The following TAPBPL variants were observed in gnomAD, a reference collection of about 807,000 sequenced individuals.
TAPBPL encodes TAP binding protein like.
Under a neutral mutation model 44.8 loss-of-function variants are expected in TAPBPL, and 32 were observed. The ratio of observed to expected loss-of-function variants is 0.71; its 90% confidence interval spans 0.54 to 0.96. The LOEUF is 0.96. Ranked by LOEUF, TAPBPL falls within the 40% of genes least tolerant of loss-of-function variation. TAPBPL has a pLI of 0.00. For synonymous variants in TAPBPL, 230 were observed against 240.7 expected, an observed-to-expected ratio of 0.96 and a Z score of 0.41; for missense variants, 520 against 586.6, an observed-to-expected ratio of 0.89 and a Z score of 1.17.
At position 6,457,597 on chromosome 12, in the gene TAPBPL, G is replaced by A. The variant is rs771997905; in HGVS notation, c.757G>A (p.Ala253Thr). ...GCAGGGGCAGGCTGTGCGGAAGGGC[G>A]CTACCCTGGAGCCTGCACAACTGGG... ...AGQGQAVRKG[A>T]TLEPAQLGMA... Residue 253 changes from alanine (A) to threonine (T), a missense_variant, in exon 4 of 7, where the codon GCT (alanine) becomes ACT (threonine). By Grantham distance (58) the Ala-to-Thr change is moderately conservative. Transcript: ENST00000266556. The A allele has an allele frequency of 1.4e-5, 22 of 1,614,022 alleles. No homozygotes were observed. Among genetic ancestry groups the A allele is most frequent in the African/African-American group, 4.0e-5 (3 of 74,916 alleles).
At chr12:6,458,573 G>C (rs1003953656) in intron 4 of TAPBPL, 72 bp from the exon 5 acceptor site, 1 of 1,546,822 alleles carries the variant, frequency 6.5e-7, no homozygotes, top group African/African-American at 1.4e-5. Flanking sequence ...TTGGCAGGAA[G>C]AAAAGGCTTC....
chr12:6,457,831 G>C, intron 4 of TAPBPL, 87 bp downstream of exon 4: 1 of 1,362,012 alleles, frequency 7.3e-7, no homozygotes, highest in East Asian at 2.6e-5. Context: ...ATGCAAGAAT[G>C]ATTTCCTGAG....
Position 6,453,107 on chromosome 12 carries a change from G to A in TAPBPL, c.105G>A (p.Val35=). 6.3e-7 allele frequency: 1 copy of A among 1,580,932 alleles called. No individual in the cohort carries two copies. Among genetic ancestry groups the A allele is most frequent in the Non-Finnish European group, 8.6e-7 (1 of 1,163,268 alleles). Residue 35 remains valine, a synonymous_variant, in exon 2 of 7, where the codon GTG becomes GTA. Transcript: ENST00000266556. This position sits in a 1 kb window ranked among gnomAD's most constrained non-coding sequence, Gnocchi z 4.8. ...AGGGGCAGTGGCGGGCAGTGGACGTGGTCCTAGACTGCTTCCTGGCGAAGG... is the reference window on the plus strand; with the variant it reads ...AGGGGCAGTGGCGGGCAGTGGACGTAGTCCTAGACTGCTTCCTGGCGAAGG... ...PAEGQWRAVD[V]VLDCFLAKDG...
At chr12:6,463,696 T>C, downstream of TAPBPL, 3 of 1,108,072 alleles carry the variant, frequency 2.7e-6, no homozygotes, top group South Asian at 6.5e-5. The surrounding 1 kb of genome is among the most constrained non-coding windows in gnomAD (Gnocchi z 4.0). Context: ...TGGATTTATT[T>C]GGTGCCCTCA....
downstream of TAPBPL, chr12:6,470,616 C>G (rs1945750475): frequency 3.2e-6 from 5 of 1,575,124 alleles, no homozygotes; most frequent in Admixed American, 1.7e-5. Flanking sequence ...CTGAAGTGGA[C>G]GGAACTGCCA....
In TAPBPL at chr12:6,456,746, G is replaced by A. The variant is rs1181454453; in HGVS notation, c.566-660G>A. Among the ~76,000 whole-genome samples, 6 of 151,680 alleles carry A rather than the reference G, an allele frequency of 4.0e-5. No homozygotes were observed. In the South Asian group the frequency reaches 8.3e-4, roughly 21 times the overall value. On this transcript the variant is annotated intron_variant, in intron 3 of 6. Transcript: ENST00000266556. Reference sequence around the variant, plus strand: ...TGGCTCACTGCAACCTCCACCTCCCGGATTCAAGCAATTCTCCTGTCTCAG... The same window carrying A: ...TGGCTCACTGCAACCTCCACCTCCCAGATTCAAGCAATTCTCCTGTCTCAG...
chr12:6,468,261 C>T (rs562320984), downstream of TAPBPL, among the ~76,000 whole-genome samples: 17 of 152,222 alleles, frequency 1.1e-4, no homozygotes, highest in Non-Finnish European at 2.2e-4. Flanking sequence ...TGTCAGCTCA[C>T]CCCTTTTTAT....
At chr12:6,459,087 T>C in intron 5 of TAPBPL, 140 bp downstream of exon 5, 1 of 1,005,562 alleles carries the variant, frequency 9.9e-7, no homozygotes, top group Non-Finnish European at 1.4e-6. Context: ...TGCTCCTGAC[T>C]ATTTTCCCAA....
downstream of TAPBPL, chr12:6,470,645 CTA>C: frequency 6.9e-7 from 1 of 1,448,826 alleles, no homozygotes; most frequent in East Asian, 2.4e-5. Flanking sequence ...CTCGCGCCGA[CTA>C]CCCCGCGGTC....
chr12:6,465,863 C>T (rs762362103), downstream of TAPBPL: 1 of 1,614,196 alleles, frequency 6.2e-7, no homozygotes, highest in Non-Finnish European at 8.5e-7. Flanking sequence ...TCCACCAATA[C>T]TTCCTCTTTA....
downstream of TAPBPL, chr12:6,466,441 A>T (rs1419473316): frequency 1.4e-6 from 2 of 1,436,726 alleles, no homozygotes; most frequent in Admixed American, 4.8e-5. Flanking sequence ...CCAGCTACTC[A>T]AGAGGCTGAA....
downstream of TAPBPL, chr12:6,463,597 C>T (rs1592144838): frequency 9.3e-7 from 1 of 1,077,992 alleles, no homozygotes; most frequent in East Asian, 8.4e-5. The surrounding 1 kb of genome is among the most constrained non-coding windows in gnomAD (Gnocchi z 4.0). Flanking sequence ...CACTGTTTCT[C>T]TATAACTAAC....
Position 6,457,557 on chromosome 12 carries a change from C to G in TAPBPL, c.717C>G (p.Tyr239Ter). ...ACAAGGGCAGGGGTCAGTTGGTGTA[C>G]AGCTGGACCGCAGGGCAGGGGCAGG... ...LQHKGRGQLV[Y>*]SWTAGQGQAV... Residue 239 changes from tyrosine (Y) to a stop codon, truncating the protein, a stop_gained, in exon 4 of 7, where the codon TAC becomes TAG. Coordinates refer to ENST00000266556, the MANE Select transcript of TAPBPL (RefSeq NM_018009.5). LOFTEE classifies it high-confidence loss of function. 1 of 1,614,220 alleles carries G rather than the reference C, an allele frequency of 6.2e-7. No homozygotes were observed. Among genetic ancestry groups the G allele is most frequent in the Non-Finnish European group, 8.5e-7 (1 of 1,180,034 alleles).
At chr12:6,465,796 C>G (rs1470750793), downstream of TAPBPL, 1 of 1,607,324 alleles carries the variant, frequency 6.2e-7, no homozygotes, top group Non-Finnish European at 8.5e-7. Context: ...TGCCTTCTAC[C>G]AGTGGAAGCC....
downstream of TAPBPL, chr12:6,465,019 A>C (rs1949970135): frequency 1.3e-6 from 2 of 1,594,772 alleles, no homozygotes; most frequent in Admixed American, 3.4e-5. Flanking sequence ...TGGGAAACAG[A>C]ATTCCTTCCA....
chr12:6,471,875 C>T, the TAPBPL span, among the ~76,000 whole-genome samples: 1 of 152,134 alleles, frequency 6.6e-6, no homozygotes, highest in Non-Finnish European at 1.5e-5. This position sits in a 1 kb window ranked among gnomAD's most constrained non-coding sequence, Gnocchi z 4.0. Context: ...AAATGCTTTC[C>T]TTACCACTTA....
At chr12:6,468,178 G>A (rs937724769), downstream of TAPBPL, among the ~76,000 whole-genome samples, 14 of 152,356 alleles carry the variant, frequency 9.2e-5, no homozygotes, top group African/African-American at 2.6e-4. Flanking sequence ...TGCACCGTGC[G>A]CCTGGAAAAG....
downstream of TAPBPL, chr12:6,462,574 T>C (rs1337073968): frequency 7.1e-6 from 4 of 559,888 alleles, no homozygotes; most frequent in Non-Finnish European, 1.3e-5. Context: ...AGAAAGAAAG[T>C]AGAAGGGCTA....
rs1193376152 is a variant in TAPBPL at position 6,453,502 on chromosome 12, G to A, written c.351G>A (p.Gly117=). The change falls in exon 3 of 7, where the codon GGG becomes GGA. Residue 117 remains glycine (G), a synonymous_variant. Transcript: ENST00000266556. The surrounding 1 kb of genome is among the most constrained non-coding windows in gnomAD (Gnocchi z 4.8). ...CCTTGCTCCATGCTGACTGCAGTGGGAAGGAGGTGACCTGTGAGATCTCCC... is the reference window on the plus strand; with the variant it reads ...CCTTGCTCCATGCTGACTGCAGTGGAAAGGAGGTGACCTGTGAGATCTCCC... ...AEALLHADCS[G]KEVTCEISRY... The A allele has an allele frequency of 6.2e-7, 1 of 1,614,198 alleles. No homozygotes were observed. The highest frequency in any genetic ancestry group is 8.5e-7 in the Non-Finnish European group (1 of 1,180,042).
Sources: gnomAD v4.1 joint callset for allele counts (sites outside exome capture counted in the v4.1 genomes callset) on GRCh38, gnomAD v4.1.1 for gene constraint, Gnocchi (gnomAD v3.1) non-coding constraint, MANE v1.5 for transcripts, NCBI Gene and HGNC (gene_info 2026-07-23, HGNC 2026-07-21) for gene names.